COG3: variants seen among roughly 807,000 people sequenced by gnomAD.
COG3 encodes the protein component of oligomeric golgi complex 3, also known as conserved oligomeric Golgi complex subunit 3.
COG3 carries 32 observed loss-of-function variants against 114.1 expected under a neutral mutation model. That is an observed-to-expected ratio of 0.28 (90% CI 0.21 to 0.38). The LOEUF (loss-of-function observed/expected upper bound fraction) is 0.38. Among genes scored for constraint, COG3 ranks in the 10% least tolerant of loss-of-function variants. The probability of loss-of-function intolerance (pLI) is 1.00; values close to 1 mark genes in which losing one functional copy is unlikely to be tolerated. For missense variants in COG3, 813 were observed against 973.2 expected, an observed-to-expected ratio of 0.84 and a Z score of 2.19; for synonymous variants, 352 against 365.7, an observed-to-expected ratio of 0.96 and a Z score of 0.43.
chr13:45,520,703 A>ATT (rs35548584), intron 19 of COG3, among the ~76,000 whole-genome samples: 3 of 151,998 alleles, frequency 2.0e-5, no homozygotes, highest in Non-Finnish European at 2.9e-5. Context: ...GTGCATATGC[A>ATT]TTTTTTTCCC....
Position 45,524,952 on chromosome 13 carries a change from TTTTC to T in COG3, c.2155-20_2155-17del. ...TTTGTCATTGATGAAATGAAACTTT[TTTTC>T]TTTTTGTCTCCTCTATTAGGTTTCA... On this transcript the variant is annotated intron_variant, in intron 19 of 22. Transcript: ENST00000349995. 1 of 1,602,376 alleles carries T rather than the reference TTTTC, an allele frequency of 6.2e-7. No individual in the cohort carries two copies. Among genetic ancestry groups the T allele is most frequent in the Non-Finnish European group, 8.5e-7 (1 of 1,171,354 alleles).
At chr13:45,472,915 G>C (rs1885613193) in intron 1 of COG3, among the ~76,000 whole-genome samples, 1 of 152,132 alleles carries the variant, frequency 6.6e-6, no homozygotes, top group Non-Finnish European at 1.5e-5. Context: ...TGTCGCCTAG[G>C]CTGGAGTGCA....
intron 1 of COG3, among the ~76,000 whole-genome samples, chr13:45,468,752 G>A (rs956795422): frequency 1.3e-5 from 2 of 152,192 alleles, no homozygotes; most frequent in South Asian, 2.1e-4. Context: ...TAGCTCTGCA[G>A]CACTGGCCCA....
Position 45,511,075 on chromosome 13 carries a change from C to T in COG3, c.1720-690C>T, listed in dbSNP as rs146412824. On this transcript the variant is annotated intron_variant, in intron 15 of 22. Coordinates refer to ENST00000349995, the MANE Select transcript of COG3 (RefSeq NM_031431.4). ...CAAGGGGACTGACAGGAGTCCTGGTCCAACCACCATGCCACACCTCTGGGA... is the reference window on the plus strand; with the variant it reads ...CAAGGGGACTGACAGGAGTCCTGGTTCAACCACCATGCCACACCTCTGGGA... Among the ~76,000 whole-genome samples the T allele has an allele frequency of 3.6e-4, 54 of 151,918 alleles. No homozygotes were observed. The East Asian group carries it at 9.9e-3, about 28-fold the overall frequency.
chr13:45,491,613 G>C, intron 10 of COG3, 75 bp downstream of exon 10: 1 of 1,382,104 alleles, frequency 7.2e-7, no homozygotes, highest in Non-Finnish European at 9.7e-7. Context: ...AACTATACCT[G>C]GTTAAATAAG....
chr13:45,485,217 G>A (rs1478711622), intron 7 of COG3, among the ~76,000 whole-genome samples: 5 of 130,866 alleles, frequency 3.8e-5, no homozygotes, highest in East Asian at 2.3e-4. Context: ...GGGGCGGCTG[G>A]CCGGGCAGGG....
chr13:45,517,827 G>A (rs1356177329), intron 17 of COG3, among the ~76,000 whole-genome samples: 1 of 152,100 alleles, frequency 6.6e-6, no homozygotes. Flanking sequence ...GTTGCTGCTT[G>A]GTTCTAGTGT....
At chr13:45,530,012 A>G in intron 21 of COG3, 94 bp downstream of exon 21, 1 of 1,395,760 alleles carries the variant, frequency 7.2e-7, no homozygotes, top group Non-Finnish European at 9.7e-7. Flanking sequence ...ACATTTAGAA[A>G]TGTTGGTATA....
chr13:45,494,675 C>T (rs1198268522), intron 12 of COG3, among the ~76,000 whole-genome samples: 1 of 151,882 alleles, frequency 6.6e-6, no homozygotes, highest in Non-Finnish European at 1.5e-5. Context: ...CAGGTGCATG[C>T]CACCATGCCC....
At position 45,522,940 on chromosome 13, in the gene COG3, G is replaced by T. The variant is rs113159609; in HGVS notation, c.2155-2036G>T. Among the ~76,000 whole-genome samples the T allele has an allele frequency of 6.0e-3, 917 of 152,296 alleles. 10 individuals carry two copies. The highest frequency in any genetic ancestry group is 0.021 in the African/African-American group (871 of 41,556). On this transcript the variant is annotated intron_variant, in intron 19 of 22. Coordinates refer to ENST00000349995, the MANE Select transcript of COG3 (RefSeq NM_031431.4). Reference sequence around the variant, plus strand: ...TCAAGGCAGCTGAGCCCTAGATCCTGCAACTGCGTCTGCCACCTTCTGACT... The same window carrying T: ...TCAAGGCAGCTGAGCCCTAGATCCTTCAACTGCGTCTGCCACCTTCTGACT...
intron 14 of COG3, 125 bp from the exon 15 acceptor site, chr13:45,509,567 A>G: frequency 8.8e-7 from 1 of 1,140,670 alleles, no homozygotes; most frequent in Non-Finnish European, 1.2e-6. Context: ...TGAGGTGGGA[A>G]AAAATTGGTG....
chr13:45,469,174 T>A (rs1230307121), intron 1 of COG3, among the ~76,000 whole-genome samples: 1 of 152,226 alleles, frequency 6.6e-6, no homozygotes, highest in Non-Finnish European at 1.5e-5. Flanking sequence ...AAGTAGTATT[T>A]GTACTTGAAG....
Position 45,529,866 on chromosome 13 carries a change from C to G in COG3, c.2306C>G (p.Ser769Cys). ...TKLPVTLRSM[S>C]LYLSNKDTEF... is the part of the protein sequence containing the mutation. ...CTGCCTGTGACATTGAGAAGTATGT[C>G]CTTGTACCTATCCAATAAAGATACC... is the stretch of plus-strand genomic sequence containing the variant. The change falls in exon 21 of 23, where the codon TCC becomes TGC. Residue 769 changes from serine (S) to cysteine (C), a missense_variant. This residue lies in a region of COG3 where 389 missense variants were observed against 542.6 expected (regional missense o/e 0.72). Coordinates refer to ENST00000349995, the MANE Select transcript of COG3 (RefSeq NM_031431.4). 6.2e-7 allele frequency: 1 copy of G among 1,613,556 alleles called. No homozygotes were observed. Among genetic ancestry groups the G allele is most frequent in the Non-Finnish European group, 8.5e-7 (1 of 1,179,678 alleles).
At chr13:45,488,622 G>A (rs1886818853) in intron 8 of COG3, among the ~76,000 whole-genome samples, 1 of 151,988 alleles carries the variant, frequency 6.6e-6, no homozygotes, top group Admixed American at 6.6e-5. Flanking sequence ...TGAGATTAGG[G>A]GGTGAATTAA....
intron 14 of COG3, among the ~76,000 whole-genome samples, chr13:45,506,155 G>A (rs1051416796): frequency 5.9e-5 from 9 of 152,282 alleles, no homozygotes; most frequent in African/African-American, 2.2e-4. Context: ...TAGAGCTGTA[G>A]AGAGAAAGAC....
chr13:45,503,891 T>C (rs1258612184), intron 14 of COG3, among the ~76,000 whole-genome samples: 1 of 152,068 alleles, frequency 6.6e-6, no homozygotes, highest in African/African-American at 2.4e-5. Flanking sequence ...GACTGGACCA[T>C]CAGATTTGCA....
At chr13:45,515,934 A>T (rs1207677858) in intron 16 of COG3, among the ~76,000 whole-genome samples, 2 of 152,238 alleles carry the variant, frequency 1.3e-5, no homozygotes, top group Non-Finnish European at 2.9e-5. Flanking sequence ...GGATTTTTAA[A>T]GTAGAGCAAG....
At position 45,482,365 on chromosome 13, in the gene COG3, T is replaced by G; in HGVS notation, c.625-16T>G. 7.5e-7 allele frequency: 1 copy of G among 1,325,496 alleles called. No individual in the cohort carries two copies. The highest frequency in any genetic ancestry group is 1.8e-4 in the Middle Eastern group (1 of 5,430). 82.1% of individuals were successfully genotyped at this position (1,325,496 alleles called of 1,614,324 possible). ...CATTTTTTATGAATTAAGATTGTTTTCTTTTTCTCTTAAAGAAATTGAATT... is the reference window on the plus strand; with the variant it reads ...CATTTTTTATGAATTAAGATTGTTTGCTTTTTCTCTTAAAGAAATTGAATT... On this transcript the variant is annotated splice_polypyrimidine_tract_variant and intron_variant, in intron 5 of 22. Coordinates refer to ENST00000349995, the MANE Select transcript of COG3 (RefSeq NM_031431.4).
At chr13:45,489,615 C>T (rs563466830) in intron 8 of COG3, among the ~76,000 whole-genome samples, 50 of 152,120 alleles carry the variant, frequency 3.3e-4, no homozygotes, top group Non-Finnish European at 3.8e-4. Flanking sequence ...ATATCAGTGA[C>T]AAAAAGCATA....
Sources: gnomAD v4.1 joint callset for allele counts (sites outside exome capture counted in the v4.1 genomes callset) on GRCh38, gnomAD v4.1.1 for gene constraint, gnomAD v4.1.1 regional missense constraint, MANE v1.5 for transcripts, NCBI Gene and HGNC (gene_info 2026-07-23, HGNC 2026-07-21) for gene names.